The following LPP variants were observed in gnomAD, a reference collection of about 807,000 sequenced individuals.
LPP encodes LIM domain containing preferred translocation partner in lipoma, also known as lipoma-preferred partner.
LPP carries 38 observed loss-of-function variants against 60.4 expected under a neutral mutation model. The ratio of observed to expected loss-of-function variants is 0.63; its 90% confidence interval spans 0.49 to 0.83. The LOEUF is 0.83. LPP is among the 40% of genes least tolerant of loss of function. The probability of loss-of-function intolerance (pLI) is 0.00; values close to 1 mark genes in which losing one functional copy is unlikely to be tolerated. For synonymous variants in LPP, 328 were observed against 290.8 expected, an observed-to-expected ratio of 1.13 and a Z score of -1.30; for missense variants, 902 against 783.6, an observed-to-expected ratio of 1.15 and a Z score of -1.80.
At chr3:188,760,356 G>GA in intron 9 of LPP, 74 bp downstream of exon 9, 1 of 1,484,906 alleles carries the variant, frequency 6.7e-7, no homozygotes. Flanking sequence ...ACTCTAGATA[G>GA]AATATAGCCA....
At chr3:188,508,401 T>TA (rs1448429262) in intron 5 of LPP, among the ~76,000 whole-genome samples, 2 of 152,238 alleles carry the variant, frequency 1.3e-5, no homozygotes, top group Admixed American at 1.3e-4. Flanking sequence ...AAAGGGACTA[T>TA]ACAGTCTCCA....
intron 3 of LPP, among the ~76,000 whole-genome samples, chr3:188,371,848 G>A (rs1447863600): frequency 6.6e-6 from 1 of 150,682 alleles, no homozygotes; most frequent in Non-Finnish European, 1.5e-5. Flanking sequence ...AGTAGAGACG[G>A]GGTTTCGCCA....
intron 6 of LPP, among the ~76,000 whole-genome samples, chr3:188,579,333 G>A (rs1245275495): frequency 3.3e-5 from 5 of 152,340 alleles, no homozygotes; most frequent in Non-Finnish European, 5.9e-5. Flanking sequence ...AGGTCGGAAA[G>A]TGACATTCTA....
chr3:188,830,006 A>G (rs1445913515), intron 9 of LPP, among the ~76,000 whole-genome samples: 1 of 82,040 alleles, frequency 1.2e-5, no homozygotes, highest in Non-Finnish European at 2.2e-5. Context: ...GCCCCATCTC[A>G]TTAAAAAAAA....
chr3:188,301,160 T>C lies in LPP; in HGVS notation c.-66-40503T>C, dbSNP rs111894137. Among the ~76,000 whole-genome samples, 58 of 152,340 alleles carry C rather than the reference T, an allele frequency of 3.8e-4. 1 individual carries two copies. The highest frequency in any genetic ancestry group is 1.3e-3 in the African/African-American group (56 of 41,586). On this transcript the variant is annotated intron_variant, in intron 2 of 11. Coordinates refer to ENST00000617246, the MANE Select transcript of LPP (RefSeq NM_001375462.1). ...TGGCAATTCTTACCTCCCTGTTTCATGTATATCTCTCCATTTTTACCTGTC... is the reference window on the plus strand; with the variant it reads ...TGGCAATTCTTACCTCCCTGTTTCACGTATATCTCTCCATTTTTACCTGTC...
chr3:188,787,314 G>A (rs55654374), intron 9 of LPP, among the ~76,000 whole-genome samples: 21,204 of 151,768 alleles, frequency 0.14, 1,520 homozygotes, highest in Middle Eastern at 0.19. Flanking sequence ...TATAGAAAAG[G>A]CAATTTTAGA....
Position 188,882,726 on chromosome 3 carries a change from T to G in LPP, c.*8247T>G, listed in dbSNP as rs1770183461. ...GTATTAAAATTCCCTTACAGATTCA[T>G]TGCTAAGTGCCAATTCTTTTTTTTT... is the stretch of plus-strand genomic sequence containing the variant. On this transcript the variant is annotated 3_prime_UTR_variant, in exon 12 of 12. Transcript: ENST00000617246. 5.0e-6 allele frequency: 1 copy of G among 200,146 alleles called. No individual in the cohort carries two copies. Among genetic ancestry groups the G allele is most frequent in the Non-Finnish European group, 1.0e-5 (1 of 97,292 alleles). 12.4% of individuals were successfully genotyped at this position (200,146 alleles called of 1,614,324 possible).
intron 7 of LPP, among the ~76,000 whole-genome samples, chr3:188,664,638 G>GC (rs777836423): frequency 5.3e-5 from 8 of 151,362 alleles, no homozygotes; most frequent in South Asian, 2.1e-4. Flanking sequence ...TGTGTGTGTG[G>GC]AGAGAGAGAG....
intron 4 of LPP, among the ~76,000 whole-genome samples, chr3:188,451,868 G>A (rs1355072269): frequency 6.6e-6 from 1 of 152,132 alleles, no homozygotes; most frequent in Non-Finnish European, 1.5e-5. Context: ...TTGTTTTGAG[G>A]ACTTTTATTC....
chr3:188,462,578 ATATATATGCATGTGTGTG>A (rs1799309091), intron 4 of LPP, among the ~76,000 whole-genome samples: 2 of 54,858 alleles, frequency 3.6e-5, no homozygotes, highest in African/African-American at 6.4e-5. Context: ...ATATATATAT[ATATATATGCATGTGTGTG>A]TGTGTGTGTG....
intron 5 of LPP, among the ~76,000 whole-genome samples, chr3:188,495,537 C>T (rs1398517758): frequency 2.6e-5 from 4 of 151,994 alleles, no homozygotes; most frequent in Non-Finnish European, 5.9e-5. Flanking sequence ...AATGTGGATA[C>T]TCTTAAATCC....
At chr3:188,562,392 A>G (rs1205307716) in intron 6 of LPP, 1 of 152,068 alleles carries the variant, frequency 6.6e-6, no homozygotes, top group Non-Finnish European at 1.5e-5. Flanking sequence ...GATGCTCAGT[A>G]ATAGATCCTT....
chr3:188,867,126 A>C (rs13082917), intron 10 of LPP, among the ~76,000 whole-genome samples: 22,551 of 151,766 alleles, frequency 0.15, 1,789 homozygotes, highest in African/African-American at 0.17. Flanking sequence ...CATTTATCTC[A>C]TTTTTAGGTC....
At chr3:188,593,302 T>A (rs1282970699) in intron 6 of LPP, among the ~76,000 whole-genome samples, 1 of 151,998 alleles carries the variant, frequency 6.6e-6, no homozygotes, top group Admixed American at 6.6e-5. Flanking sequence ...GTGTTCACTC[T>A]TGCTCTCTCT....
intron 3 of LPP, among the ~76,000 whole-genome samples, chr3:188,353,427 C>G (rs1766543915): frequency 1.3e-5 from 2 of 152,036 alleles, no homozygotes; most frequent in South Asian, 2.1e-4. Context: ...GTTAAGAATT[C>G]TTATGTGTGA....
chr3:188,667,651 C>T (rs1856088256), intron 7 of LPP, among the ~76,000 whole-genome samples: 1 of 149,386 alleles, frequency 6.7e-6, no homozygotes, highest in African/African-American at 2.5e-5. Flanking sequence ...ACTTGGTATT[C>T]TCAACCTCAC....
At chr3:188,402,132 C>T (rs1170018924) in intron 3 of LPP, among the ~76,000 whole-genome samples, 1 of 152,036 alleles carries the variant, frequency 6.6e-6, no homozygotes, top group Non-Finnish European at 1.5e-5. Context: ...TGACTTTATG[C>T]TGAATTTGGA....
intron 6 of LPP, among the ~76,000 whole-genome samples, chr3:188,564,533 G>A (rs1229283001): frequency 1.3e-5 from 2 of 151,944 alleles, no homozygotes; most frequent in African/African-American, 4.8e-5. Flanking sequence ...CCAGAATTAT[G>A]TGTGTCTAAG....
At chr3:188,529,558 G>A (rs1441177076) in intron 6 of LPP, among the ~76,000 whole-genome samples, 2 of 152,026 alleles carry the variant, frequency 1.3e-5, no homozygotes, top group African/African-American at 4.8e-5. Context: ...TGAAAAATGT[G>A]AGCTCTTGAA....
Sources: gnomAD v4.1 joint callset for allele counts (sites outside exome capture counted in the v4.1 genomes callset) on GRCh38, gnomAD v4.1.1 for gene constraint, MANE v1.5 for transcripts, NCBI Gene and HGNC (gene_info 2026-07-23, HGNC 2026-07-21) for gene names.